TYW1: variants seen among roughly 807,000 people sequenced by gnomAD.
TYW1 encodes the protein tRNA-yW synthesizing protein 1 homolog, also known as S-adenosyl-L-methionine-dependent tRNA 4-demethylwyosine synthase TYW1.
Under a neutral mutation model 96.2 loss-of-function variants are expected in TYW1, and 46 were observed. The observed-to-expected ratio is 0.48, with a 90% CI of 0.38 to 0.61. The LOEUF is 0.61. TYW1 is among the 20% of genes least tolerant of loss of function. The pLI, the probability that TYW1 is intolerant of heterozygous loss-of-function variation, is 0.00. For synonymous variants in TYW1, 274 were observed against 323.0 expected (o/e 0.85, Z 1.63); for missense variants, 684 against 909.6 (o/e 0.75, Z 3.19).
intron 15 of TYW1, among the ~76,000 whole-genome samples, chr7:67,231,414 C>G (rs528957060): frequency 6.6e-6 from 1 of 152,244 alleles, no homozygotes; most frequent in African/African-American, 2.4e-5. Flanking sequence ...TCTCTGGGAT[C>G]CTGTGTTTCC....
At chr7:67,036,040 CT>C (rs34975904) in intron 7 of TYW1, among the ~76,000 whole-genome samples, 27,820 of 135,286 alleles carry the variant, frequency 0.21, 3,622 homozygotes, top group African/African-American at 0.34. Flanking sequence ...TTGATATTTC[CT>C]TTTTTTTTTT....
At chr7:67,162,813 T>C (rs945770457) in intron 13 of TYW1, among the ~76,000 whole-genome samples, 1 of 152,194 alleles carries the variant, frequency 6.6e-6, no homozygotes, top group Non-Finnish European at 1.5e-5. Context: ...TTTATGACAT[T>C]GTTTCTCTTA....
intron 15 of TYW1, among the ~76,000 whole-genome samples, chr7:67,231,791 T>C (rs1801756663): frequency 6.6e-6 from 1 of 151,532 alleles, no homozygotes; most frequent in African/African-American, 2.4e-5. Flanking sequence ...ATGTGGAAAC[T>C]CATGTCCTTC....
intron 13 of TYW1, among the ~76,000 whole-genome samples, chr7:67,172,797 T>C (rs1392632087): frequency 6.6e-6 from 1 of 152,124 alleles, no homozygotes; most frequent in East Asian, 1.9e-4. Flanking sequence ...GTCTTTCCTA[T>C]GTCTCTTCTT....
chr7:67,079,496 T>G (rs1796314855), intron 10 of TYW1, among the ~76,000 whole-genome samples: 1 of 151,950 alleles, frequency 6.6e-6, no homozygotes, highest in Non-Finnish European at 1.5e-5. Flanking sequence ...GATCTTTTTT[T>G]TTTTCTTGGT....
At chr7:67,150,932 T>G (rs1798775826) in intron 13 of TYW1, among the ~76,000 whole-genome samples, 1 of 152,240 alleles carries the variant, frequency 6.6e-6, no homozygotes. Context: ...CAAACTTACT[T>G]TCTAACACAT....
intron 13 of TYW1, among the ~76,000 whole-genome samples, chr7:67,172,583 G>T (rs1167340348): frequency 2.6e-5 from 4 of 151,926 alleles, no homozygotes; most frequent in African/African-American, 9.7e-5. Flanking sequence ...ACCACGCCTG[G>T]CTATTTTTTT....
chr7:67,099,493 A>G (rs1797021523), intron 12 of TYW1, among the ~76,000 whole-genome samples: 1 of 152,212 alleles, frequency 6.6e-6, no homozygotes, highest in South Asian at 2.1e-4. Context: ...AGAGAGTGGC[A>G]GGTGGAAGTC....
chr7:67,018,843 C>T (rs1317131399), intron 6 of TYW1, among the ~76,000 whole-genome samples: 1 of 150,790 alleles, frequency 6.6e-6, no homozygotes, highest in East Asian at 2.0e-4. Context: ...GTAATCCCAG[C>T]TACTTGGGAG....
intron 13 of TYW1, among the ~76,000 whole-genome samples, chr7:67,129,919 G>A (rs2687057): frequency 9.2e-5 from 14 of 152,108 alleles, no homozygotes; most frequent in South Asian, 8.3e-4. Context: ...TTTTTATGTC[G>A]TTCCCAAGTA....
At chr7:67,209,120 TAA>T (rs1409022165) in intron 15 of TYW1, among the ~76,000 whole-genome samples, 1 of 152,108 alleles carries the variant, frequency 6.6e-6, no homozygotes, top group Non-Finnish European at 1.5e-5. Flanking sequence ...TGCACCAACA[TAA>T]TAGAAGGGTG....
chr7:67,221,877 A>G (rs375822996), intron 15 of TYW1, among the ~76,000 whole-genome samples: 1 of 105,114 alleles, frequency 9.5e-6, no homozygotes, highest in African/African-American at 3.7e-5. Context: ...TTTTTTTTTT[A>G]AACACATTAG....
intron 12 of TYW1, among the ~76,000 whole-genome samples, chr7:67,117,254 AT>A (rs1797623612): frequency 6.6e-6 from 1 of 152,096 alleles, no homozygotes; most frequent in Admixed American, 6.6e-5. Flanking sequence ...GTAATTCAAT[AT>A]TTTCAATGTA....
chr7:67,080,507 G>A (rs1796350002), intron 10 of TYW1, among the ~76,000 whole-genome samples: 1 of 151,712 alleles, frequency 6.6e-6, no homozygotes, highest in African/African-American at 2.4e-5. Context: ...TCAGGTTCAA[G>A]CAATTCTTCT....
At chr7:67,006,396 CT>C (rs1312042061) in intron 3 of TYW1, among the ~76,000 whole-genome samples, 1 of 146,124 alleles carries the variant, frequency 6.8e-6, no homozygotes, top group Admixed American at 6.9e-5. Flanking sequence ...AATTAAATGT[CT>C]TTTTTTTATA....
Position 67,239,422 on chromosome 7 carries a change from A to G in TYW1, c.*893A>G. 3.1e-6 allele frequency: 3 copies of G among 981,066 alleles called. No individual in the cohort carries two copies. Among genetic ancestry groups the G allele is most frequent in the Non-Finnish European group, 3.6e-6 (3 of 825,978 alleles). 60.8% of individuals were successfully genotyped at this position (981,066 alleles called of 1,614,324 possible). A position where few individuals can be genotyped will look rare whatever the true frequency, so the allele number is the denominator to read the frequency against. On this transcript the variant is annotated 3_prime_UTR_variant, in exon 16 of 16. Coordinates refer to ENST00000359626, the MANE Select transcript of TYW1 (RefSeq NM_018264.4). ...GTTCAGGTGTTTTCAAGTTGGAAAGATCATAAATACTCAAAATTGTTTTCA... is the reference window on the plus strand; with the variant it reads ...GTTCAGGTGTTTTCAAGTTGGAAAGGTCATAAATACTCAAAATTGTTTTCA...
chr7:67,110,043 C>T (rs545194991), intron 12 of TYW1, among the ~76,000 whole-genome samples: 2 of 152,242 alleles, frequency 1.3e-5, no homozygotes, highest in South Asian at 2.1e-4. Context: ...AACTTTCTCT[C>T]ACAGGGGTTG....
At chr7:67,076,290 G>T (rs1584531162) in intron 10 of TYW1, among the ~76,000 whole-genome samples, 1 of 152,288 alleles carries the variant, frequency 6.6e-6, no homozygotes, top group East Asian at 1.9e-4. Context: ...TCTCATGGCA[G>T]AAGTGCTGGC....
intron 11 of TYW1, among the ~76,000 whole-genome samples, chr7:67,089,647 G>A (rs577884401): frequency 2.2e-4 from 34 of 152,286 alleles, no homozygotes; most frequent in African/African-American, 7.9e-4. Context: ...CTGGAGCTAC[G>A]TGGCCAGTCC....
Sources: gnomAD v4.1 joint callset for allele counts (sites outside exome capture counted in the v4.1 genomes callset) on GRCh38, gnomAD v4.1.1 for gene constraint, MANE v1.5 for transcripts, NCBI Gene and HGNC (gene_info 2026-07-23, HGNC 2026-07-21) for gene names.